LRRTM4: variants seen among roughly 807,000 people sequenced by gnomAD.
LRRTM4 encodes leucine-rich repeat transmembrane neuronal protein 4.
Under a neutral mutation model 47.6 loss-of-function variants are expected in LRRTM4, and 25 were observed. The ratio of observed to expected loss-of-function variants is 0.53; its 90% CI spans 0.38 to 0.73. LRRTM4 has a LOEUF of 0.73. Ranked by LOEUF, LRRTM4 falls within the 30% of genes least tolerant of loss-of-function variation. The pLI, the probability that LRRTM4 is intolerant of heterozygous loss-of-function variation, is 0.00. For synonymous variants in LRRTM4, 311 were observed against 269.5 expected (o/e 1.15, Z -1.51); for missense variants, 638 against 713.4 (o/e 0.89, Z 1.20).
chr2:76,983,316 G>A (rs1274384372), intron 3 of LRRTM4, among the ~76,000 whole-genome samples: 1 of 152,008 alleles, frequency 6.6e-6, no homozygotes, highest in East Asian at 1.9e-4. Flanking sequence ...TGGTTTGGCA[G>A]TATCCCCACC....
chr2:77,338,422 G>A (rs573578455), intron 3 of LRRTM4, among the ~76,000 whole-genome samples: 2 of 151,806 alleles, frequency 1.3e-5, no homozygotes, highest in Admixed American at 6.6e-5. Context: ...TTAAAAACTG[G>A]GCAAAGAAGA....
At chr2:76,882,997 T>C (rs1352359247) in intron 3 of LRRTM4, among the ~76,000 whole-genome samples, 2 of 152,168 alleles carry the variant, frequency 1.3e-5, no homozygotes, top group Non-Finnish European at 2.9e-5. Flanking sequence ...CAGACCAAGC[T>C]GGCTCCACTC....
chr2:77,384,513 G>C (rs909089431), intron 3 of LRRTM4, among the ~76,000 whole-genome samples: 2 of 151,652 alleles, frequency 1.3e-5, no homozygotes, highest in Non-Finnish European at 2.9e-5. Flanking sequence ...TAATGTTACT[G>C]TTACCATTAG....
intron 3 of LRRTM4, among the ~76,000 whole-genome samples, chr2:77,078,899 G>T (rs1012411783): frequency 1.3e-5 from 2 of 152,158 alleles, no homozygotes; most frequent in African/African-American, 4.8e-5. Flanking sequence ...GACACTGACA[G>T]ATTCTGTTTC....
intron 3 of LRRTM4, among the ~76,000 whole-genome samples, chr2:77,220,301 C>G (rs1054948806): frequency 8.5e-5 from 13 of 152,322 alleles, no homozygotes; most frequent in African/African-American, 3.1e-4. Context: ...CAGAGCACCT[C>G]TCCTCCTCCA....
intron 3 of LRRTM4, among the ~76,000 whole-genome samples, chr2:77,089,102 G>A (rs1039223918): frequency 6.6e-6 from 1 of 152,052 alleles, no homozygotes; most frequent in Non-Finnish European, 1.5e-5. Flanking sequence ...ACACAAGGAC[G>A]CCTGCCTTGG....
intron 3 of LRRTM4, among the ~76,000 whole-genome samples, chr2:76,998,573 C>A (rs1484546209): frequency 6.6e-6 from 1 of 151,996 alleles, no homozygotes; most frequent in Non-Finnish European, 1.5e-5. Flanking sequence ...GGATGAGACC[C>A]AGGAATCTGC....
At chr2:77,072,721 C>T (rs1280775975) in intron 3 of LRRTM4, among the ~76,000 whole-genome samples, 1 of 146,106 alleles carries the variant, frequency 6.8e-6, no homozygotes, top group Non-Finnish European at 1.5e-5. Context: ...ATCGCTTAAG[C>T]CCTGGAGATG....
chr2:77,491,322 A>G (rs1678153453), intron 3 of LRRTM4, among the ~76,000 whole-genome samples: 1 of 152,082 alleles, frequency 6.6e-6, no homozygotes, highest in Admixed American at 6.6e-5. Context: ...CCAAATATGG[A>G]AAAAGATGGT....
chr2:76,748,866 C>G lies in LRRTM4; in HGVS notation c.1602G>C (p.Val534=). 1 of 1,613,994 alleles carries G rather than the reference C, an allele frequency of 6.2e-7. No individual in the cohort carries two copies. Among genetic ancestry groups the G allele is most frequent in the Non-Finnish European group, 8.5e-7 (1 of 1,179,892 alleles). ...GCTGGTGGGCCTGGCAGTACCCGAT[C>G]ACAGGCTGGTCATAGCTGTAATATG... ...PLPYYSYDQP[V]IGYCQAHQPL... Residue 534 remains valine (V), a synonymous_variant, in exon 4 of 4, where the codon GTG becomes GTC. Transcript: ENST00000409884.
At chr2:77,225,512 T>C (rs1028184359) in intron 3 of LRRTM4, among the ~76,000 whole-genome samples, 19 of 152,084 alleles carry the variant, frequency 1.2e-4, no homozygotes, top group African/African-American at 4.1e-4. Flanking sequence ...TTTTCCATTT[T>C]TCTGTGCCTC....
intron 3 of LRRTM4, among the ~76,000 whole-genome samples, chr2:77,488,640 T>A (rs1678019135): frequency 6.6e-6 from 1 of 152,210 alleles, no homozygotes; most frequent in African/African-American, 2.4e-5. Context: ...TATCAAGGAA[T>A]ATAACAAGCT....
At chr2:76,987,651 G>A (rs948365163) in intron 3 of LRRTM4, among the ~76,000 whole-genome samples, 1 of 151,854 alleles carries the variant, frequency 6.6e-6, no homozygotes, top group Admixed American at 6.6e-5. Flanking sequence ...AGAAAAATGA[G>A]AGATAAATGT....
intron 3 of LRRTM4, among the ~76,000 whole-genome samples, chr2:77,495,275 T>A (rs1471799320): frequency 1.3e-5 from 2 of 152,068 alleles, no homozygotes; most frequent in Non-Finnish European, 2.9e-5. Context: ...TATATGAAAG[T>A]TCTAGTTACT....
chr2:77,017,349 C>A (rs942010017), intron 3 of LRRTM4, among the ~76,000 whole-genome samples: 1 of 152,160 alleles, frequency 6.6e-6, no homozygotes, highest in African/African-American at 2.4e-5. Context: ...TAATTATATC[C>A]TGAAAACTCC....
At chr2:77,079,800 G>A (rs950076385) in intron 3 of LRRTM4, among the ~76,000 whole-genome samples, 11 of 151,472 alleles carry the variant, frequency 7.3e-5, no homozygotes, top group Non-Finnish European at 1.3e-4. Context: ...ATAGAATGAT[G>A]GTGATTTTTA....
intron 3 of LRRTM4, among the ~76,000 whole-genome samples, chr2:77,341,711 T>A (rs1236994339): frequency 6.6e-6 from 1 of 152,006 alleles, no homozygotes; most frequent in Non-Finnish European, 1.5e-5. Flanking sequence ...AAATAATTTC[T>A]TTTTGGGGAA....
chr2:77,404,586 G>A (rs1465213212), intron 3 of LRRTM4, among the ~76,000 whole-genome samples: 4 of 152,030 alleles, frequency 2.6e-5, no homozygotes, highest in African/African-American at 9.7e-5. Context: ...GGATAATTTT[G>A]TGGCTAGATA....
intron 3 of LRRTM4, among the ~76,000 whole-genome samples, chr2:77,493,765 GA>G (rs1385152148): frequency 1.1e-4 from 17 of 152,022 alleles, no homozygotes; most frequent in Non-Finnish European, 1.5e-4. Flanking sequence ...TGACATCAAT[GA>G]AATAAGTATC....
Sources: gnomAD v4.1 joint callset for allele counts (sites outside exome capture counted in the v4.1 genomes callset) on GRCh38, gnomAD v4.1.1 for gene constraint, MANE v1.5 for transcripts, NCBI Gene and HGNC (gene_info 2026-07-23, HGNC 2026-07-21) for gene names.